The following PDE6B variants were observed in gnomAD, a reference collection of about 807,000 sequenced individuals.
PDE6B encodes rod cGMP-specific 3',5'-cyclic phosphodiesterase subunit beta.
In PDE6B, 106 loss-of-function variants were observed where a neutral mutation model predicts 109.0. The observed-to-expected ratio is 0.97, with a 90% confidence interval of 0.83 to 1.14. The LOEUF (loss-of-function observed/expected upper bound fraction) is 1.14. Ranked by LOEUF, PDE6B falls within the 50% of genes most tolerant of loss-of-function variation. The pLI, the probability that PDE6B is intolerant of heterozygous loss-of-function variation, is 0.00. For synonymous variants in PDE6B, 490 were observed against 471.3 expected (o/e 1.04, Z -0.51); for missense variants, 1,193 against 1,155.6 (o/e 1.03, Z -0.47).
chr4:656,810 G>A (rs1481800598), intron 8 of PDE6B, 64 bp from the exon 9 acceptor site: 122 of 1,543,572 alleles, frequency 7.9e-5, no homozygotes, highest in Non-Finnish European at 8.5e-5. Flanking sequence ...CACTCTCCCC[G>A]GCCACACGCC....
chr4:657,517 G>A lies in PDE6B; in HGVS notation c.1401+23G>A, dbSNP rs768285376. ...CTGGTGCGGCGGGGCAGGACGTCCA[G>A]GGGTCACCCAGGGGTCACGGCTGTG... On this transcript the variant is annotated intron_variant, in intron 10 of 21. Transcript: ENST00000496514. The A allele has an allele frequency of 1.0e-5, 15 of 1,465,296 alleles. No homozygotes were observed. In the Admixed American group the frequency reaches 2.4e-4, roughly 24 times the overall value. The allele number at this position is 1,465,296 out of a possible 1,614,324, so 90.8% of individuals were successfully genotyped here. A position where few individuals can be genotyped will look rare whatever the true frequency, so the allele number is the denominator to read the frequency against.
chr4:632,246 G>A (rs1190632411), intron 1 of PDE6B, among the ~76,000 whole-genome samples: 3 of 152,076 alleles, frequency 2.0e-5, no homozygotes, highest in Admixed American at 6.5e-5. Context: ...GAGTCATGCT[G>A]TGTGGATCCG....
At chr4:627,318 G>A (rs574061353) in intron 1 of PDE6B, among the ~76,000 whole-genome samples, 29 of 152,190 alleles carry the variant, frequency 1.9e-4, no homozygotes, top group Admixed American at 9.2e-4. Flanking sequence ...GCTAATTTTT[G>A]TATTTTTAAT....
chr4:662,094 C>G lies in PDE6B; in HGVS notation c.1615-40C>G. The G allele has an allele frequency of 9.9e-7, 1 of 1,005,628 alleles. No homozygotes were observed. The highest frequency in any genetic ancestry group is 1.5e-6 in the Non-Finnish European group (1 of 648,684). The allele number at this position is 1,005,628 out of a possible 1,614,324, so 62.3% of individuals were successfully genotyped here. On this transcript the variant is annotated intron_variant, in intron 12 of 21. Transcript: ENST00000496514. This position sits in a 1 kb window ranked among gnomAD's most constrained non-coding sequence, Gnocchi z 4.3. ...AGGTGCCGCTCTGGCGGGACTTACA[C>G]GCTTGCCGCCGGAGCCCTGTGTCCT...
At chr4:664,990 A>C in intron 18 of PDE6B, 46 bp downstream of exon 18, 1 of 1,459,080 alleles carries the variant, frequency 6.9e-7, no homozygotes, top group Non-Finnish European at 9.6e-7. Context: ...GCCTCTCAGC[A>C]CATGGGACTG....
At chr4:629,016 G>A (rs1464043877) in intron 1 of PDE6B, among the ~76,000 whole-genome samples, 1 of 152,166 alleles carries the variant, frequency 6.6e-6, no homozygotes, top group Non-Finnish European at 1.5e-5. Context: ...TAAAACCTTG[G>A]GCTCAGGAAC....
At chr4:647,791 G>A (rs1225941620) in intron 3 of PDE6B, among the ~76,000 whole-genome samples, 1 of 152,068 alleles carries the variant, frequency 6.6e-6, no homozygotes, top group Non-Finnish European at 1.5e-5. Flanking sequence ...GTGTGGCTCT[G>A]GCCAGGTGTG....
In PDE6B at chr4:636,519, T is replaced by C. The variant is rs902866390; in HGVS notation, c.711+550T>C. ...GGGGGATGACCTCCAGGGCAGGTGG[T>C]CCTCCCGTCTGAGACCCTGGCTCAG... On this transcript the variant is annotated intron_variant, in intron 3 of 21. Coordinates refer to ENST00000496514, the MANE Select transcript of PDE6B (RefSeq NM_000283.4). The surrounding 1 kb of genome is among the most constrained non-coding windows in gnomAD (Gnocchi z 4.5). Among the ~76,000 whole-genome samples the C allele has an allele frequency of 6.6e-6, 1 of 151,766 alleles. No individual in the cohort carries two copies. The highest frequency in any genetic ancestry group is 2.4e-5 in the African/African-American group (1 of 41,270).
chr4:649,139 G>A (rs574627837), intron 3 of PDE6B, among the ~76,000 whole-genome samples: 68 of 152,352 alleles, frequency 4.5e-4, no homozygotes, highest in South Asian at 2.7e-3. Flanking sequence ...CCCCGAGCAC[G>A]GCCAACAGCG....
At chr4:664,836 C>G in intron 17 of PDE6B, 45 bp from the exon 18 acceptor site, 1 of 1,501,206 alleles carries the variant, frequency 6.7e-7, no homozygotes, top group Non-Finnish European at 9.3e-7. Flanking sequence ...ACCACCTGCC[C>G]TCAGGAGACG....
At chr4:637,841 CT>C (rs1734767853) in intron 3 of PDE6B, among the ~76,000 whole-genome samples, 3 of 152,252 alleles carry the variant, frequency 2.0e-5, no homozygotes, top group African/African-American at 7.2e-5. Context: ...ATTCTGGCTT[CT>C]TCCTCTTGCT....
intron 3 of PDE6B, chr4:653,264 T>C (rs753723463): frequency 9.9e-7 from 1 of 1,012,776 alleles, no homozygotes; most frequent in Non-Finnish European, 1.2e-6. Context: ...TGGTGGGGCC[T>C]GGGTCTGGGC....
Position 657,029 on chromosome 4 carries a change from C to A in PDE6B, c.1257+6C>A, listed in dbSNP as rs557311366. On this transcript the variant is annotated splice_donor_region_variant and intron_variant, in intron 9 of 21. Coordinates refer to ENST00000496514, the MANE Select transcript of PDE6B (RefSeq NM_000283.4). Reference sequence around the variant, plus strand: ...AGGACGAGGTTCTCATGGAGGTAAGCACCTGGGCAGACGTGGTTCCGCCGG... The same window carrying A: ...AGGACGAGGTTCTCATGGAGGTAAGAACCTGGGCAGACGTGGTTCCGCCGG... 1.9e-6 allele frequency: 3 copies of A among 1,612,640 alleles called. No individual in the cohort carries two copies. Among genetic ancestry groups the A allele is most frequent in the Non-Finnish European group, 2.5e-6 (3 of 1,179,710 alleles).
In PDE6B at chr4:633,710, G is replaced by A. The variant is rs1384845065; in HGVS notation, c.469-967G>A. Among the ~76,000 whole-genome samples the A allele has an allele frequency of 2.0e-5, 3 of 152,222 alleles. No individual in the cohort carries two copies. The stretch of plus-strand genomic sequence containing the variant: ...CCACTGCAGGTCGCACAGGTGGGAA[G>A]TCCTGACCCCAGCAGGGCTGACTCC... On this transcript the variant is annotated intron_variant, in intron 1 of 21. Transcript: ENST00000496514. The surrounding 1 kb of genome is among the most constrained non-coding windows in gnomAD (Gnocchi z 4.5).
rs775009526 is a variant in PDE6B at position 636,788 on chromosome 4, G to A, written c.711+819G>A. ...TATCTCAGCATCTGGAGGAAGGCTG[G>A]GTTTAGGGGCCTCCTCCTGGCCCCA... is the stretch of plus-strand genomic sequence containing the variant. On this transcript the variant is annotated intron_variant, in intron 3 of 21. Coordinates refer to ENST00000496514, the MANE Select transcript of PDE6B (RefSeq NM_000283.4). The surrounding 1 kb of genome is among the most constrained non-coding windows in gnomAD (Gnocchi z 4.5). Among the ~76,000 whole-genome samples, 1 of 152,212 alleles carries A rather than the reference G, an allele frequency of 6.6e-6. No individual in the cohort carries two copies. The highest frequency in any genetic ancestry group is 1.5e-5 in the Non-Finnish European group (1 of 68,038).
At position 657,305 on chromosome 4, in the gene PDE6B, GCGCGCC is replaced by G. The variant is rs975874009; in HGVS notation, c.1258-45_1258-40del. On this transcript the variant is annotated intron_variant, in intron 9 of 21. Coordinates refer to ENST00000496514, the MANE Select transcript of PDE6B (RefSeq NM_000283.4). ...CTGGCACACAGGCACATGGGAGGGG[GCGCGCC>G]GGGAGCGCTGAGCGCCAGTGACACT... 1.9e-6 allele frequency: 3 copies of G among 1,608,770 alleles called. No homozygotes were observed. In the African/African-American group the frequency reaches 4.0e-5, roughly 21 times the overall value.
rs1737842785 is a variant in PDE6B, at chr4:666,695, G to A, written c.2352+81G>A. 1.1e-6 allele frequency: 1 copy of A among 896,584 alleles called. No homozygotes were observed. The highest frequency in any genetic ancestry group is 1.6e-5 in the African/African-American group (1 of 61,048). The allele number at this position is 896,584 out of a possible 1,614,324, so 55.5% of individuals were successfully genotyped here. ...AAGGGGGCGCGGGCTGGAGTCGCGT[G>A]GACTCACACGGGCCCGGCGGTGTCC... is the stretch of plus-strand genomic sequence containing the variant. On this transcript the variant is annotated intron_variant, in intron 20 of 21. Coordinates refer to ENST00000496514, the MANE Select transcript of PDE6B (RefSeq NM_000283.4). The surrounding 1 kb of genome is among the most constrained non-coding windows in gnomAD (Gnocchi z 5.6).
At position 665,133 on chromosome 4, in the gene PDE6B, TGTG is replaced by T; in HGVS notation, c.2194-117_2194-115del. 4.7e-6 allele frequency: 4 copies of T among 845,184 alleles called. No individual in the cohort carries two copies. 52.4% of individuals were successfully genotyped at this position (845,184 alleles called of 1,614,324 possible). A position where few individuals can be genotyped will look rare whatever the true frequency, so the allele number is the denominator to read the frequency against. ...TCTACATGGCTCAACCGGAGCCCTG[TGTG>T]GTGGGGACCCCGGGGGTCTGGGGCG... is the stretch of plus-strand genomic sequence containing the variant. On this transcript the variant is annotated intron_variant, in intron 18 of 21. Coordinates refer to ENST00000496514, the MANE Select transcript of PDE6B (RefSeq NM_000283.4). The surrounding 1 kb of genome is among the most constrained non-coding windows in gnomAD (Gnocchi z 4.0).
rs568331063 is a variant in PDE6B at position 660,605 on chromosome 4, C to T, written c.1606C>T (p.Pro536Ser). 4.8e-5 allele frequency: 78 copies of T among 1,613,600 alleles called. No homozygotes were observed. In the East Asian group the frequency reaches 1.4e-3, roughly 28 times the overall value. Residue 536 changes from proline (P) to serine (S), a missense_variant, in exon 12 of 22, where the codon CCC (proline) becomes TCC (serine). Transcript: ENST00000496514. Reference sequence around the variant, plus strand: ...GGGCGTGGTCCGAAAGTTCCAGATCCCCCAGGAGGTGGGAGACACCGCAGG... The same window carrying T: ...GGGCGTGGTCCGAAAGTTCCAGATCTCCCAGGAGGTGGGAGACACCGCAGG... ...ELGVVRKFQI[P>S]QEVLVRFLFS...
Sources: gnomAD v4.1 joint callset for allele counts (sites outside exome capture counted in the v4.1 genomes callset) on GRCh38, gnomAD v4.1.1 for gene constraint, Gnocchi (gnomAD v3.1) non-coding constraint, MANE v1.5 for transcripts, NCBI Gene and HGNC (gene_info 2026-07-23, HGNC 2026-07-21) for gene names.